ZBTB20: variants seen among roughly 807,000 people sequenced by gnomAD.
ZBTB20 encodes zinc finger and BTB domain containing 20, also known as zinc finger and BTB domain-containing protein 20.
ZBTB20 carries 9 observed loss-of-function variants against 56.9 expected under a neutral mutation model. That is an observed-to-expected ratio of 0.16 (90% confidence interval 0.10 to 0.28). The LOEUF (loss-of-function observed/expected upper bound fraction) is 0.28. Ranked by LOEUF, ZBTB20 falls within the 10% of genes least tolerant of loss-of-function variation. ZBTB20 has a pLI of 1.00. For synonymous variants in ZBTB20, 417 were observed against 420.7 expected (o/e 0.99, Z 0.11); for missense variants, 655 against 1,003.0 (o/e 0.65, Z 4.69).
intron 7 of ZBTB20, among the ~76,000 whole-genome samples, chr3:114,465,804 C>T (rs2092526271): frequency 6.6e-6 from 1 of 152,022 alleles, no homozygotes; most frequent in South Asian, 2.1e-4. Flanking sequence ...ATGACACGGC[C>T]ATTTAATCTT....
At chr3:114,595,509 T>C (rs1030781594) in intron 6 of ZBTB20, among the ~76,000 whole-genome samples, 2 of 152,198 alleles carry the variant, frequency 1.3e-5, no homozygotes, top group Non-Finnish European at 2.9e-5. Context: ...GTTAGAGACC[T>C]GAATTGAAAT....
chr3:114,552,272 T>C (rs1212922256), intron 6 of ZBTB20, among the ~76,000 whole-genome samples: 1 of 152,172 alleles, frequency 6.6e-6, no homozygotes, highest in East Asian at 1.9e-4. Flanking sequence ...CACTACCACA[T>C]AGCTTAACTG....
Position 114,339,155 on chromosome 3 carries a change from A to G in ZBTB20, c.2076T>C (p.Pro692=). Residue 692 remains proline, a synonymous_variant, in exon 12 of 12, where the codon CCT becomes CCC. Transcript: ENST00000675478. This position sits in a 1 kb window ranked among gnomAD's most constrained non-coding sequence, Gnocchi z 4.2. ...CGCGGGCACCTGGGGGTGTGCCTGC[A>G]GGGGGGGTCCCATTGCTGGCACTGT... ...ALHSASNGTP[P]AGTPPGARAG... is the part of the protein sequence containing the mutation. 6.2e-7 allele frequency: 1 copy of G among 1,613,860 alleles called. No homozygotes were observed. Among genetic ancestry groups the G allele is most frequent in the South Asian group, 1.1e-5 (1 of 91,074 alleles).
chr3:114,835,049 A>T (rs2074050481), intron 4 of ZBTB20, among the ~76,000 whole-genome samples: 1 of 152,022 alleles, frequency 6.6e-6, no homozygotes, highest in South Asian at 2.1e-4. Context: ...CTAAACAATA[A>T]TTTCTACTTT....
In ZBTB20 at chr3:114,332,058, G is replaced by GTTTTTTTTTTTTTT. The variant is rs71146316; in HGVS notation, c.*6933_*6946dup. The GTTTTTTTTTTTTTT allele has an allele frequency of 2.3e-5, 2 of 85,404 alleles. No homozygotes were observed. Among genetic ancestry groups the GTTTTTTTTTTTTTT allele is most frequent in the Non-Finnish European group, 4.5e-5 (2 of 44,042 alleles). The allele number at this position is 85,404 out of a possible 1,614,324, so 5.3% of individuals were successfully genotyped here. A position where few individuals can be genotyped will look rare whatever the true frequency, so the allele number is the denominator to read the frequency against. On this transcript the variant is annotated 3_prime_UTR_variant, in exon 12 of 12. Coordinates refer to ENST00000675478, the MANE Select transcript of ZBTB20 (RefSeq NM_001348800.3). ...ACTAGTAGAAACAGATGCCCCCAAGGTTTTTTTTTTTTTTTTTTTTTTTTT... is the reference window on the plus strand; with the variant it reads ...ACTAGTAGAAACAGATGCCCCCAAGGTTTTTTTTTTTTTTTTTTTTTTTTTTTTTTTTTTTTTTT...
At chr3:114,809,815 C>A (rs909182370) in intron 4 of ZBTB20, among the ~76,000 whole-genome samples, 1 of 152,146 alleles carries the variant, frequency 6.6e-6, no homozygotes, top group African/African-American at 2.4e-5. Context: ...ATTACAGCAA[C>A]TCTGGCTTCT....
chr3:114,343,313 A>G (rs560318312), intron 11 of ZBTB20, among the ~76,000 whole-genome samples: 1 of 152,184 alleles, frequency 6.6e-6, no homozygotes, highest in South Asian at 2.1e-4. Flanking sequence ...TATTCTACTG[A>G]TTTTTTTCCC....
chr3:115,136,472 G>GAAC (rs556654995), intron 1 of ZBTB20, among the ~76,000 whole-genome samples: 1,615 of 152,178 alleles, frequency 0.011, 11 homozygotes, highest in South Asian at 0.025. Flanking sequence ...CTGCAGTTAA[G>GAAC]TGTACTATAA....
chr3:114,766,409 C>A (rs1157269239), intron 5 of ZBTB20, among the ~76,000 whole-genome samples: 1 of 151,834 alleles, frequency 6.6e-6, no homozygotes, highest in Non-Finnish European at 1.5e-5. Context: ...ATCTTTAAAA[C>A]AGGTGCTCTT....
chr3:114,855,617 T>C (rs900626187), intron 4 of ZBTB20, among the ~76,000 whole-genome samples: 1 of 152,048 alleles, frequency 6.6e-6, no homozygotes, highest in Non-Finnish European at 1.5e-5. Flanking sequence ...GAGATAAAAT[T>C]CGTGGTGGGT....
At chr3:114,866,629 G>T (rs963619981) in intron 4 of ZBTB20, among the ~76,000 whole-genome samples, 3 of 152,152 alleles carry the variant, frequency 2.0e-5, no homozygotes, top group Non-Finnish European at 2.9e-5. Flanking sequence ...CCAAACAGTT[G>T]GAGGCTGGAA....
chr3:114,954,359 G>C (rs2077175026), intron 3 of ZBTB20, among the ~76,000 whole-genome samples: 1 of 152,208 alleles, frequency 6.6e-6, no homozygotes, highest in Middle Eastern at 3.4e-3. Context: ...AAATCAGTAA[G>C]GTGGTAGGTA....
chr3:114,464,521 G>A (rs1420959613), intron 7 of ZBTB20, among the ~76,000 whole-genome samples: 1 of 152,078 alleles, frequency 6.6e-6, no homozygotes, highest in African/African-American at 2.4e-5. Context: ...ACATAAATAT[G>A]CACTCTCCCA....
At chr3:114,368,060 T>C (rs752107189) in intron 10 of ZBTB20, among the ~76,000 whole-genome samples, 3 of 152,330 alleles carry the variant, frequency 2.0e-5, no homozygotes, top group East Asian at 1.9e-4. Flanking sequence ...CTTAAAACTG[T>C]AGCCGACACT....
At chr3:114,695,947 T>C (rs1035691071) in intron 5 of ZBTB20, among the ~76,000 whole-genome samples, 1 of 152,058 alleles carries the variant, frequency 6.6e-6, no homozygotes, top group Non-Finnish European at 1.5e-5. Context: ...AATAAATTTA[T>C]CTGAGCTATA....
chr3:114,577,075 T>G (rs1265769372), intron 6 of ZBTB20, among the ~76,000 whole-genome samples: 1 of 152,176 alleles, frequency 6.6e-6, no homozygotes, highest in Non-Finnish European at 1.5e-5. Context: ...CCTACTGGTG[T>G]ATTTATTTAG....
intron 6 of ZBTB20, among the ~76,000 whole-genome samples, chr3:114,506,851 A>C (rs1471910963): frequency 6.6e-6 from 1 of 152,110 alleles, no homozygotes; most frequent in Non-Finnish European, 1.5e-5. Flanking sequence ...TTCTTTATAT[A>C]CGGTGACAGC....
At chr3:114,392,549 G>A (rs955309955) in intron 7 of ZBTB20, among the ~76,000 whole-genome samples, 2 of 152,198 alleles carry the variant, frequency 1.3e-5, no homozygotes, top group African/African-American at 4.8e-5. Flanking sequence ...GTGAAAACAT[G>A]CAGTAATTCC....
chr3:114,584,897 A>G (rs1052275594), intron 6 of ZBTB20, among the ~76,000 whole-genome samples: 1 of 152,194 alleles, frequency 6.6e-6, no homozygotes, highest in Non-Finnish European at 1.5e-5. Context: ...TAGAAAGAAT[A>G]CAAGGCAGCT....
Sources: allele counts gnomAD v4.1 joint callset (sites outside exome capture counted in the v4.1 genomes callset), GRCh38; gene constraint gnomAD v4.1.1; non-coding constraint Gnocchi (gnomAD v3.1); transcripts MANE v1.5; gene names NCBI Gene and HGNC (gene_info 2026-07-23, HGNC 2026-07-21).